SCLY: variants seen among roughly 807,000 people sequenced by gnomAD.
SCLY encodes selenocysteine lyase.
A neutral mutation model predicts 50.1 loss-of-function variants in SCLY; 38 were observed. That is an observed-to-expected ratio of 0.76 (90% CI 0.59 to 0.99). SCLY has a LOEUF of 0.99. Ranked by LOEUF, SCLY falls within the 50% of genes least tolerant of loss-of-function variation. The probability of loss-of-function intolerance (pLI) is 0.00; values close to 1 mark genes in which losing one functional copy is unlikely to be tolerated. For synonymous variants in SCLY, 243 were observed against 249.4 expected, an observed-to-expected ratio of 0.97 and a Z score of 0.24; for missense variants, 600 against 620.0, an observed-to-expected ratio of 0.97 and a Z score of 0.34.
intron 7 of SCLY, among the ~76,000 whole-genome samples, chr2:238,085,070 C>A (rs1338234676): frequency 6.6e-6 from 1 of 152,082 alleles, no homozygotes; most frequent in African/African-American, 2.4e-5. Flanking sequence ...GAAAATCATT[C>A]ATCATACCAA....
At position 238,083,505 on chromosome 2, in the gene SCLY, T is replaced by C; in HGVS notation, c.884+151T>C. 1 of 644,866 alleles carries C rather than the reference T, an allele frequency of 1.6e-6. No homozygotes were observed. The highest frequency in any genetic ancestry group is 3.7e-4 in the Middle Eastern group (1 of 2,678). 39.9% of individuals were successfully genotyped at this position (644,866 alleles called of 1,614,324 possible). A position where few individuals can be genotyped will look rare whatever the true frequency, so the allele number is the denominator to read the frequency against. ...GCTGTGTCAGAACTGGCTCCACTGATTGATTTTACACTGAGGGCTCACAGG... is the reference window on the plus strand; with the variant it reads ...GCTGTGTCAGAACTGGCTCCACTGACTGATTTTACACTGAGGGCTCACAGG... On this transcript the variant is annotated intron_variant, in intron 7 of 11. Transcript: ENST00000254663. The surrounding 1 kb of genome is among the most constrained non-coding windows in gnomAD (Gnocchi z 4.3).
At chr2:238,091,365 G>A in intron 8 of SCLY, 111 bp downstream of exon 8, 1 of 893,764 alleles carries the variant, frequency 1.1e-6, no homozygotes, top group Non-Finnish European at 1.9e-6. Flanking sequence ...GATCTCATAA[G>A]CGGACTGACA....
chr2:238,077,448 T>C (rs1434865080), intron 4 of SCLY, among the ~76,000 whole-genome samples: 2 of 152,224 alleles, frequency 1.3e-5, no homozygotes, highest in Non-Finnish European at 1.5e-5. Flanking sequence ...GTAAGGCCCA[T>C]GCAAACATCT....
chr2:238,090,950 A>C (rs1453753534), intron 7 of SCLY, among the ~76,000 whole-genome samples: 1 of 149,344 alleles, frequency 6.7e-6, no homozygotes, highest in Non-Finnish European at 1.5e-5. Context: ...TGCTTTGGGT[A>C]GGAAAAGGGT....
rs936287635 is a variant in SCLY at position 238,066,527 on chromosome 2, G to A, written c.203-1538G>A. On this transcript the variant is annotated intron_variant, in intron 2 of 11. Transcript: ENST00000254663. The surrounding 1 kb of genome is among the most constrained non-coding windows in gnomAD (Gnocchi z 4.1). ...GAGGCATTACTTTGTCCACTATGTGGAGAATGGACCCTGGTGGGGGCCTGC... is the reference window on the plus strand; with the variant it reads ...GAGGCATTACTTTGTCCACTATGTGAAGAATGGACCCTGGTGGGGGCCTGC... Among the ~76,000 whole-genome samples, 1 of 152,220 alleles carries A rather than the reference G, an allele frequency of 6.6e-6. No individual in the cohort carries two copies. Among genetic ancestry groups the A allele is most frequent in the Non-Finnish European group, 1.5e-5 (1 of 68,044 alleles).
rs138917491 is a variant in SCLY at position 238,098,307 on chromosome 2, C to T, written c.1290C>T (p.Val430=). The T allele has an allele frequency of 1.1e-5, 18 of 1,607,680 alleles. No homozygotes were observed. The highest frequency in any genetic ancestry group is 1.7e-4 in the Middle Eastern group (1 of 5,754). The change falls in exon 12 of 12, where the codon GTC becomes GTT. Residue 430 remains valine, a synonymous_variant. Coordinates refer to ENST00000254663, the MANE Select transcript of SCLY (RefSeq NM_016510.7). ...CCACCAGGGCCGAGGTGGACCTCGT[C>T]GTGCAGGACCTGAAGCAGGCCGTGG... ...RSTTRAEVDL[V]VQDLKQAVAQ... is the part of the protein sequence containing the mutation.
At chr2:238,068,825 A>G (rs1010783527) in intron 3 of SCLY, among the ~76,000 whole-genome samples, 1 of 152,148 alleles carries the variant, frequency 6.6e-6, no homozygotes, top group Non-Finnish European at 1.5e-5. Flanking sequence ...TATACACACT[A>G]TTTTGTTTCA....
chr2:238,091,559 A>G, intron 8 of SCLY: 2 of 322,628 alleles, frequency 6.2e-6, no homozygotes, highest in Non-Finnish European at 1.2e-5. Flanking sequence ...CCATTCCCAA[A>G]GGCGTCGGCA....
chr2:238,070,895 G>T (rs117450348), intron 4 of SCLY, among the ~76,000 whole-genome samples: 2 of 151,062 alleles, frequency 1.3e-5, no homozygotes, highest in East Asian at 3.9e-4. Flanking sequence ...ATAGTGGTGT[G>T]ATCTCAGTTC....
intron 8 of SCLY, chr2:238,091,561 G>GCTAAT: frequency 5.0e-5 from 15 of 302,666 alleles, no homozygotes; most frequent in Admixed American, 1.4e-4. Flanking sequence ...ATTCCCAAAG[G>GCTAAT]CGTCGGCAGC....
Position 238,098,633 on chromosome 2 carries a change from G to GGGACCGCCCACATAGAACCGTCCACATA in SCLY, c.*291_*292insAGAACCGTCCACATAGGACCGCCCACAT, listed in dbSNP as rs1559254775. 1.4e-3 allele frequency: 319 copies of GGGACCGCCCACATAGAACCGTCCACATA among 230,578 alleles called. 5 individuals carry two copies. Among genetic ancestry groups the GGGACCGCCCACATAGAACCGTCCACATA allele is most frequent in the East Asian group, 5.9e-3 (130 of 22,038 alleles). The allele number at this position is 230,578 out of a possible 1,614,324, so 14.3% of individuals were successfully genotyped here. Reference sequence around the variant, plus strand: ...ACCGCCCACATGGGACCGCCCACATGGGACCGCCCACATGGGACCGCCCAC... The same window carrying GGGACCGCCCACATAGAACCGTCCACATA: ...ACCGCCCACATGGGACCGCCCACATGGGACCGCCCACATAGAACCGTCCACATAGGACCGCCCACATGGGACCGCCCAC... On this transcript the variant is annotated 3_prime_UTR_variant, in exon 12 of 12. Coordinates refer to ENST00000254663, the MANE Select transcript of SCLY (RefSeq NM_016510.7).
In SCLY at chr2:238,098,256, G is replaced by C. The variant is rs955816007; in HGVS notation, c.1239G>C (p.Ala413=). Residue 413 remains alanine (A), a synonymous_variant, in exon 12 of 12, where the codon GCG becomes GCC. Transcript: ENST00000254663. ...TCCCCTTCGACGTGGCCAGGAACGC[G>C]CTCCGGCTCAGCGTGGGCCGCAGCA... ...YGVPFDVARN[A]LRLSVGRSTT... 6.2e-7 allele frequency: 1 copy of C among 1,610,462 alleles called. No individual in the cohort carries two copies. The highest frequency in any genetic ancestry group is 8.5e-7 in the Non-Finnish European group (1 of 1,179,604).
At chr2:238,064,999 G>C (rs1426277712) in intron 2 of SCLY, 1 of 152,220 alleles carries the variant, frequency 6.6e-6, no homozygotes, top group African/African-American at 2.4e-5. Context: ...TTATATGACA[G>C]AGTTACATTC....
chr2:238,086,299 G>C (rs760503369), intron 7 of SCLY, among the ~76,000 whole-genome samples: 5 of 152,128 alleles, frequency 3.3e-5, no homozygotes, highest in African/African-American at 9.7e-5. Context: ...AAAAATCTTA[G>C]CAATATCTGA....
At chr2:238,091,557 A>ACCCTCT in intron 8 of SCLY, 1 of 332,200 alleles carries the variant, frequency 3.0e-6, no homozygotes. Flanking sequence ...CACCATTCCC[A>ACCCTCT]AAGGCGTCGG....
At chr2:238,093,637 C>G (rs2065393081) in intron 8 of SCLY, 3 of 561,054 alleles carry the variant, frequency 5.3e-6, no homozygotes, top group Non-Finnish European at 9.6e-6. Context: ...GGCTGCTTTG[C>G]TGAGGCATCT....
chr2:238,088,891 T>C (rs964227996), intron 7 of SCLY, among the ~76,000 whole-genome samples: 1 of 152,198 alleles, frequency 6.6e-6, no homozygotes, highest in Admixed American at 6.5e-5. Context: ...ACCACACTTA[T>C]CCAGCATAGT....
In SCLY at chr2:238,098,674, AG is replaced by A. The variant is rs1691361411; in HGVS notation, c.*320del. 9.3e-5 allele frequency: 8 copies of A among 86,116 alleles called. No homozygotes were observed. The highest frequency in any genetic ancestry group is 5.6e-4 in the South Asian group (1 of 1,784). 5.3% of individuals were successfully genotyped at this position (86,116 alleles called of 1,614,324 possible). A position where few individuals can be genotyped will look rare whatever the true frequency, so the allele number is the denominator to read the frequency against. ...GACCGCCCACATAGAACCGTCCTCC[AG>A]TGGTGAAGCGGAAACACTTAGCTTT... On this transcript the variant is annotated 3_prime_UTR_variant, in exon 12 of 12. Coordinates refer to ENST00000254663, the MANE Select transcript of SCLY (RefSeq NM_016510.7).
chr2:238,099,338 T>C lies in SCLY; in HGVS notation c.*983T>C. Reference sequence around the variant, plus strand: ...CATTTTTAATGTGTGGTTTTACGGTTCAAGGAACTACTTGATGATTTTGAG... The same window carrying C: ...CATTTTTAATGTGTGGTTTTACGGTCCAAGGAACTACTTGATGATTTTGAG... On this transcript the variant is annotated 3_prime_UTR_variant, in exon 12 of 12. Coordinates refer to ENST00000254663, the MANE Select transcript of SCLY (RefSeq NM_016510.7). The C allele has an allele frequency of 2.1e-6, 1 of 470,484 alleles. No homozygotes were observed. Among genetic ancestry groups the C allele is most frequent in the South Asian group, 1.6e-5 (1 of 64,042 alleles). 29.1% of individuals were successfully genotyped at this position (470,484 alleles called of 1,614,324 possible).
Sources: allele counts gnomAD v4.1 joint callset (sites outside exome capture counted in the v4.1 genomes callset), GRCh38; gene constraint gnomAD v4.1.1; non-coding constraint Gnocchi (gnomAD v3.1); transcripts MANE v1.5; gene names NCBI Gene and HGNC (gene_info 2026-07-23, HGNC 2026-07-21).